Variants in TCF7L2 observed in about 807,000 individuals in gnomAD.
The protein encoded by TCF7L2 is transcription factor 7 like 2, also known as transcription factor 7-like 2.
Under a neutral mutation model 77.9 loss-of-function variants are expected in TCF7L2, and 23 were observed. The ratio of observed to expected loss-of-function variants is 0.30; its 90% CI spans 0.21 to 0.42. The LOEUF (loss-of-function observed/expected upper bound fraction) is 0.42, where lower values mean the gene tolerates loss of function less well. Among genes scored for constraint, TCF7L2 ranks in the 10% least tolerant of loss-of-function variants. TCF7L2 has a pLI of 1.00. For synonymous variants in TCF7L2, 413 were observed against 340.2 expected, an observed-to-expected ratio of 1.21 and a Z score of -2.36; for missense variants, 654 against 793.1, an observed-to-expected ratio of 0.82 and a Z score of 2.11.
chr10:112,980,450 C>A (rs2040257706), intron 4 of TCF7L2, among the ~76,000 whole-genome samples: 1 of 152,108 alleles, frequency 6.6e-6, no homozygotes, highest in South Asian at 2.1e-4. Context: ...GGTGAGTTAT[C>A]TAGATAAGGG....
intron 5 of TCF7L2, among the ~76,000 whole-genome samples, chr10:113,131,798 T>C (rs975689027): frequency 2.6e-5 from 4 of 152,210 alleles, no homozygotes; most frequent in Non-Finnish European, 4.4e-5. Context: ...TCTTTCCTTC[T>C]GCAATATTTT....
At chr10:113,078,553 T>A (rs1005817344) in intron 5 of TCF7L2, among the ~76,000 whole-genome samples, 8 of 151,974 alleles carry the variant, frequency 5.3e-5, no homozygotes, top group Admixed American at 2.6e-4. Context: ...CTTTAAAAAA[T>A]TTTTTTTGCA....
At chr10:113,142,007 T>C (rs2068469262) in intron 6 of TCF7L2, among the ~76,000 whole-genome samples, 1 of 152,156 alleles carries the variant, frequency 6.6e-6, no homozygotes, top group Admixed American at 6.5e-5. Flanking sequence ...TTTGTTGTTG[T>C]TGTTGTTGTT....
intron 4 of TCF7L2, among the ~76,000 whole-genome samples, chr10:112,992,545 G>A (rs964823261): frequency 2.6e-5 from 4 of 152,122 alleles, no homozygotes; most frequent in Non-Finnish European, 4.4e-5. Flanking sequence ...TACGGGAGCC[G>A]GAGGCTGCAG....
chr10:113,126,046 G>A (rs2065537887), intron 5 of TCF7L2: 1 of 151,150 alleles, frequency 6.6e-6, no homozygotes, highest in South Asian at 2.1e-4. Context: ...GACGCGCAGC[G>A]GTGGTTTAAT....
At chr10:113,097,664 AAAAAAAAAAAC>A (rs2061178892) in intron 5 of TCF7L2, among the ~76,000 whole-genome samples, 3 of 149,772 alleles carry the variant, frequency 2.0e-5, no homozygotes, top group South Asian at 2.1e-4. Flanking sequence ...AAAAAAAAAA[AAAAAAAAAAAC>A]AACCATGAGA....
chr10:112,951,016 G>T, intron 1 of TCF7L2, 71 bp downstream of exon 1: 1 of 1,531,720 alleles, frequency 6.5e-7, no homozygotes, highest in East Asian at 2.4e-5. Context: ...TGCTGAAAGG[G>T]GAGAAATCGG....
chr10:112,992,653 A>G (rs1292566988), intron 4 of TCF7L2, among the ~76,000 whole-genome samples: 1 of 152,004 alleles, frequency 6.6e-6, no homozygotes, highest in Non-Finnish European at 1.5e-5. Flanking sequence ...GAGTTTCTCG[A>G]GGAAGACTCC....
At chr10:112,998,437 C>T (rs755409108) in intron 4 of TCF7L2, among the ~76,000 whole-genome samples, 3 of 152,070 alleles carry the variant, frequency 2.0e-5, no homozygotes, top group Admixed American at 2.0e-4. Context: ...CAGGGGGAGC[C>T]GTCAGATGGT....
chr10:113,098,855 T>G (rs1261549337), intron 5 of TCF7L2, among the ~76,000 whole-genome samples: 1 of 152,234 alleles, frequency 6.6e-6, no homozygotes, highest in Non-Finnish European at 1.5e-5. Flanking sequence ...CCTGTACATG[T>G]CCTGTTGCTG....
At chr10:113,113,547 A>G (rs1260954595) in intron 5 of TCF7L2, among the ~76,000 whole-genome samples, 2 of 152,058 alleles carry the variant, frequency 1.3e-5, no homozygotes, top group African/African-American at 2.4e-5. Flanking sequence ...CTAGAAGGAG[A>G]TGTGAGGCAT....
intron 4 of TCF7L2, among the ~76,000 whole-genome samples, chr10:113,000,912 AC>A (rs1205904231): frequency 6.6e-6 from 1 of 151,792 alleles, no homozygotes; most frequent in East Asian, 1.9e-4. Flanking sequence ...CCATTCCCCC[AC>A]CCTTCACTTC....
At chr10:113,086,273 C>A (rs185282627) in intron 5 of TCF7L2, among the ~76,000 whole-genome samples, 13 of 152,294 alleles carry the variant, frequency 8.5e-5, no homozygotes, top group African/African-American at 3.1e-4. Context: ...CTCCTCAAAC[C>A]CAATTCAAAC....
At chr10:113,046,800 G>A (rs1054921732) in intron 5 of TCF7L2, among the ~76,000 whole-genome samples, 9 of 152,044 alleles carry the variant, frequency 5.9e-5, no homozygotes, top group South Asian at 4.2e-4. Flanking sequence ...CTCACCACTC[G>A]GAGATTACAT....
chr10:113,080,252 T>A (rs1365073047), intron 5 of TCF7L2, among the ~76,000 whole-genome samples: 1 of 151,860 alleles, frequency 6.6e-6, no homozygotes, highest in Non-Finnish European at 1.5e-5. Flanking sequence ...ACACCCCTTA[T>A]GCCATGAAAA....
At chr10:113,103,426 A>G (rs1388794521) in intron 5 of TCF7L2, among the ~76,000 whole-genome samples, 1 of 152,168 alleles carries the variant, frequency 6.6e-6, no homozygotes, top group Admixed American at 6.5e-5. Context: ...CAGTTCTACA[A>G]TTGTTACCAC....
intron 4 of TCF7L2, among the ~76,000 whole-genome samples, chr10:113,012,935 G>T (rs942238765): frequency 2.0e-5 from 3 of 152,074 alleles, no homozygotes; most frequent in Non-Finnish European, 2.9e-5. Flanking sequence ...TACTCTACGC[G>T]TGTTGCTGAA....
Position 113,141,273 on chromosome 10 carries a change from A to T in TCF7L2, c.642A>T (p.Gly214=), listed in dbSNP as rs747453434. Residue 214 remains glycine (G), a synonymous_variant, in exon 6 of 14, where the codon GGA becomes GGT. Coordinates refer to ENST00000627217, the MANE Select transcript of TCF7L2 (RefSeq NM_001146274.2). Reference sequence around the variant, plus strand: ...ACAGCAATGAACACTTCACGCCGGGAAACCCACCTCCACACTTACCAGCCG... The same window carrying T: ...ACAGCAATGAACACTTCACGCCGGGTAACCCACCTCCACACTTACCAGCCG... The T allele has an allele frequency of 6.2e-7, 1 of 1,614,128 alleles. No homozygotes were observed. Among genetic ancestry groups the T allele is most frequent in the Non-Finnish European group, 8.5e-7 (1 of 1,180,030 alleles).
chr10:113,151,983 G>T lies in TCF7L2; in HGVS notation c.1161+99G>T, dbSNP rs1257053729. The T allele has an allele frequency of 4.1e-6, 6 of 1,477,330 alleles. No individual in the cohort carries two copies. Among genetic ancestry groups the T allele is most frequent in the Non-Finnish European group, 5.4e-6 (6 of 1,109,562 alleles). The allele number at this position is 1,477,330 out of a possible 1,614,324, so 91.5% of individuals were successfully genotyped here. A position where few individuals can be genotyped will look rare whatever the true frequency, so the allele number is the denominator to read the frequency against. Reference sequence around the variant, plus strand: ...GAATGTCTCTGTCCCCATTTCTTTGGAGAATTCTTGCCCTTCAGCCACATT... The same window carrying T: ...GAATGTCTCTGTCCCCATTTCTTTGTAGAATTCTTGCCCTTCAGCCACATT... On this transcript the variant is annotated intron_variant, in intron 10 of 13. Transcript: ENST00000627217. This position sits in a 1 kb window ranked among gnomAD's most constrained non-coding sequence, Gnocchi z 5.2.
Sources: allele counts gnomAD v4.1 joint callset (sites outside exome capture counted in the v4.1 genomes callset), GRCh38; gene constraint gnomAD v4.1.1; non-coding constraint Gnocchi (gnomAD v3.1); transcripts MANE v1.5; gene names NCBI Gene and HGNC (gene_info 2026-07-23, HGNC 2026-07-21).